The following GNA12 variants were observed in gnomAD, a reference collection of about 807,000 sequenced individuals.
GNA12 encodes G protein subunit alpha 12.
A neutral mutation model predicts 26.0 loss-of-function variants in GNA12; 9 were observed. That is an observed-to-expected ratio of 0.35 (90% CI 0.21 to 0.60). The LOEUF (loss-of-function observed/expected upper bound fraction) is 0.60, where lower values mean the gene tolerates loss of function less well. Among genes scored for constraint, GNA12 ranks in the 20% least tolerant of loss-of-function variants. The pLI is 0.78. For synonymous variants in GNA12, 264 were observed against 219.6 expected (o/e 1.20, Z -1.79); for missense variants, 405 against 525.8 (o/e 0.77, Z 2.25).
At position 2,731,853 on chromosome 7, in the gene GNA12, T is replaced by G. The variant is rs1789913446; in HGVS notation, c.577-103A>C. 1.6e-6 allele frequency: 1 copy of G among 615,342 alleles called. No individual in the cohort carries two copies. 38.1% of individuals were successfully genotyped at this position (615,342 alleles called of 1,614,324 possible). On this transcript the variant is annotated intron_variant, in intron 3 of 3. Coordinates refer to ENST00000275364, the MANE Select transcript of GNA12 (RefSeq NM_007353.3). The surrounding 1 kb of genome is among the most constrained non-coding windows in gnomAD (Gnocchi z 6.0). ...AAGATAAGAAGGAAAGAGACTGACT[T>G]TTGCAACAGGTTGAACCAGAAACCA...
At chr7:2,763,066 G>T in intron 2 of GNA12, 2 of 1,247,498 alleles carry the variant, frequency 1.6e-6, no homozygotes, top group Non-Finnish European at 2.0e-6. Context: ...CGCAGACCGG[G>T]GCTCCCTACC....
At chr7:2,747,048 G>T (rs1267695259) in intron 2 of GNA12, among the ~76,000 whole-genome samples, 1 of 152,134 alleles carries the variant, frequency 6.6e-6, no homozygotes, top group African/African-American at 2.4e-5. Context: ...ACCAAAAAAA[G>T]TCCAGGAGCA....
At chr7:2,744,425 C>T (rs1370769640) in intron 2 of GNA12, among the ~76,000 whole-genome samples, 1 of 152,208 alleles carries the variant, frequency 6.6e-6, no homozygotes, top group Admixed American at 6.5e-5. Flanking sequence ...GAGTGGACCT[C>T]TAGCAAACTC....
chr7:2,761,625 C>T (rs1791559749), intron 2 of GNA12, among the ~76,000 whole-genome samples: 1 of 152,160 alleles, frequency 6.6e-6, no homozygotes, highest in South Asian at 2.1e-4. Flanking sequence ...GTTCCCGAAC[C>T]GGCCTCTCAG....
chr7:2,789,382 G>A (rs1347379308), intron 2 of GNA12, among the ~76,000 whole-genome samples: 8 of 145,090 alleles, frequency 5.5e-5, no homozygotes, highest in African/African-American at 1.9e-4. Flanking sequence ...TGATCCGCCC[G>A]CCTCGGCCTC....
At chr7:2,807,217 G>C (rs1451111955) in intron 1 of GNA12, among the ~76,000 whole-genome samples, 1 of 152,034 alleles carries the variant, frequency 6.6e-6, no homozygotes, top group Non-Finnish European at 1.5e-5. Flanking sequence ...AGAAAAAATG[G>C]AATAGACATT....
At chr7:2,773,947 G>A (rs1344012034) in intron 2 of GNA12, among the ~76,000 whole-genome samples, 6 of 152,214 alleles carry the variant, frequency 3.9e-5, no homozygotes, top group South Asian at 2.1e-4. Flanking sequence ...AAGGAAGAAC[G>A]TGCCGCAGAA....
intron 1 of GNA12, among the ~76,000 whole-genome samples, chr7:2,817,927 T>C (rs1793252824): frequency 6.6e-6 from 1 of 152,220 alleles, no homozygotes; most frequent in Admixed American, 6.5e-5. Flanking sequence ...ACACTACACA[T>C]GAATTATTAG....
intron 1 of GNA12, among the ~76,000 whole-genome samples, chr7:2,813,352 CA>C (rs1457042287): frequency 2.6e-5 from 4 of 152,192 alleles, no homozygotes; most frequent in Admixed American, 2.6e-4. Context: ...TAGATGACTC[CA>C]TGCCCATAGT....
At chr7:2,790,029 C>T (rs781385226) in intron 2 of GNA12, among the ~76,000 whole-genome samples, 1 of 152,196 alleles carries the variant, frequency 6.6e-6, no homozygotes. Context: ...AAAGCCTGCT[C>T]AACTCTGCAG....
At chr7:2,768,468 G>A (rs1043551402) in intron 2 of GNA12, among the ~76,000 whole-genome samples, 3 of 152,082 alleles carry the variant, frequency 2.0e-5, no homozygotes, top group Admixed American at 2.0e-4. Context: ...TGCATTCGAG[G>A]ACTGCGTGAA....
intron 2 of GNA12, among the ~76,000 whole-genome samples, chr7:2,749,404 T>A (rs1562403872): frequency 6.6e-6 from 1 of 150,664 alleles, no homozygotes; most frequent in Non-Finnish European, 1.5e-5. Context: ...AGCAAACTAT[T>A]GCAAGGACAA....
At chr7:2,800,621 C>T (rs1331302157) in intron 1 of GNA12, among the ~76,000 whole-genome samples, 3 of 152,144 alleles carry the variant, frequency 2.0e-5, no homozygotes, top group Non-Finnish European at 4.4e-5. Context: ...AATGTAAGTT[C>T]CAACGATGTG....
rs546014700 is a variant in GNA12, at chr7:2,792,371, T to C, written c.525+2557A>G. Among the ~76,000 whole-genome samples, 7 of 152,280 alleles carry C rather than the reference T, an allele frequency of 4.6e-5. No homozygotes were observed. In the South Asian group the frequency reaches 1.0e-3, roughly 23 times the overall value. On this transcript the variant is annotated intron_variant, in intron 2 of 3. Transcript: ENST00000275364. Reference sequence around the variant, plus strand: ...CGGGCTTACTTCCATGTCGTGACAATACAAGGGCTTGACTTCCTAAATTGG... The same window carrying C: ...CGGGCTTACTTCCATGTCGTGACAACACAAGGGCTTGACTTCCTAAATTGG...
chr7:2,786,434 A>T (rs1562427461), intron 2 of GNA12, among the ~76,000 whole-genome samples: 1 of 152,252 alleles, frequency 6.6e-6, no homozygotes, highest in East Asian at 1.9e-4. Flanking sequence ...TCAATAGCCA[A>T]CTAAGAAGAG....
intron 3 of GNA12, among the ~76,000 whole-genome samples, 156 bp downstream of exon 3, chr7:2,733,293 AGT>A (rs1789992472): frequency 1.3e-5 from 2 of 152,132 alleles, no homozygotes; most frequent in African/African-American, 2.4e-5. Context: ...CCCAGATCCA[AGT>A]GAGAGCGTGC....
intron 1 of GNA12, among the ~76,000 whole-genome samples, chr7:2,842,025 G>C (rs61556488): frequency 6.0e-4 from 24 of 39,764 alleles, no homozygotes; most frequent in African/African-American, 1.8e-3. Flanking sequence ...GAAAGGAAGG[G>C]AGGAAGGAAG....
intron 2 of GNA12, among the ~76,000 whole-genome samples, chr7:2,793,197 G>A (rs1032440940): frequency 3.3e-5 from 5 of 152,220 alleles, no homozygotes; most frequent in Admixed American, 2.6e-4. Context: ...GAAAGATCAA[G>A]GAGCTATCAT....
Position 2,728,577 on chromosome 7 carries a change from T to C in GNA12, c.*2604A>G, listed in dbSNP as rs929896669. On this transcript the variant is annotated 3_prime_UTR_variant, in exon 4 of 4. Transcript: ENST00000275364. The stretch of plus-strand genomic sequence containing the variant: ...ACAGATCTTATTTTGAGGAACTTTA[T>C]TGTTACATTTTTGCAATAATTGAGG... 6.6e-6 allele frequency: 1 copy of C among 152,626 alleles called. No homozygotes were observed. The highest frequency in any genetic ancestry group is 1.5e-5 in the Non-Finnish European group (1 of 68,040). 9.5% of individuals were successfully genotyped at this position (152,626 alleles called of 1,614,324 possible).
Sources: gnomAD v4.1 joint callset for allele counts (sites outside exome capture counted in the v4.1 genomes callset) on GRCh38, gnomAD v4.1.1 for gene constraint, Gnocchi (gnomAD v3.1) non-coding constraint, MANE v1.5 for transcripts, NCBI Gene and HGNC (gene_info 2026-07-23, HGNC 2026-07-21) for gene names.